HECW1: variants seen among roughly 807,000 people sequenced by gnomAD.
HECW1 encodes the protein HECT, C2 and WW domain containing E3 ubiquitin protein ligase 1.
In HECW1, 61 loss-of-function variants were observed where a neutral mutation model predicts 182.3. The observed-to-expected ratio is 0.33, with a 90% CI of 0.27 to 0.41. HECW1 has a LOEUF of 0.41. Among genes scored for constraint, HECW1 ranks in the 10% least tolerant of loss-of-function variants. The probability of loss-of-function intolerance (pLI) is 1.00; values close to 1 mark genes in which losing one functional copy is unlikely to be tolerated. For synonymous variants in HECW1, 859 were observed against 832.6 expected (o/e 1.03, Z -0.55); for missense variants, 1,739 against 2,108.9 (o/e 0.82, Z 3.44).
chr7:43,418,946 T>C (rs1178799360), intron 8 of HECW1, among the ~76,000 whole-genome samples: 1 of 152,192 alleles, frequency 6.6e-6, no homozygotes, highest in African/African-American at 2.4e-5. Flanking sequence ...GACAATTGAT[T>C]TGGCGCAGCT....
intron 28 of HECW1, 48 bp downstream of exon 28, chr7:43,552,384 A>G: frequency 8.7e-7 from 1 of 1,148,694 alleles, no homozygotes; most frequent in Non-Finnish European, 1.3e-6. Flanking sequence ...AATAGAACTC[A>G]GCACTTTCCA....
rs149200592 is a variant in HECW1, at chr7:43,302,703, T to C, written c.28-9060T>C. Among the ~76,000 whole-genome samples, 1,213 of 152,302 alleles carry C rather than the reference T, an allele frequency of 8.0e-3. 19 individuals are homozygous for C. The highest frequency in any genetic ancestry group is 0.027 in the African/African-American group (1,121 of 41,560). ...GCAGGGCTCCTGGAGCTGGGCGCCT[T>C]GGGCCCCTGGAGCCGCACTGTGGTT... On this transcript the variant is annotated intron_variant, in intron 3 of 29. Coordinates refer to ENST00000395891, the MANE Select transcript of HECW1 (RefSeq NM_015052.5).
intron 2 of HECW1, among the ~76,000 whole-genome samples, chr7:43,199,604 A>AT (rs1794847574): frequency 6.6e-6 from 1 of 152,150 alleles, no homozygotes; most frequent in South Asian, 2.1e-4. Context: ...TGGGAATTAG[A>AT]TTTTTTTAAT....
chr7:43,441,930 G>A (rs933020849), intron 9 of HECW1, among the ~76,000 whole-genome samples: 17 of 152,200 alleles, frequency 1.1e-4, no homozygotes, highest in African/African-American at 3.6e-4. Flanking sequence ...CAGACAGTCC[G>A]TTCAACTTAA....
intron 2 of HECW1, among the ~76,000 whole-genome samples, chr7:43,159,105 GTTTATTTATTTA>G (rs141662347): frequency 3.3e-5 from 5 of 150,664 alleles, no homozygotes; most frequent in Admixed American, 1.3e-4. Flanking sequence ...GAATCTGACA[GTTTATTTATTTA>G]TTTATTTATT....
intron 2 of HECW1, among the ~76,000 whole-genome samples, chr7:43,234,502 C>A (rs1380414871): frequency 6.8e-6 from 1 of 147,040 alleles, no homozygotes; most frequent in Non-Finnish European, 1.5e-5. Flanking sequence ...TGCTCTCCCA[C>A]CTCAGGCCTT....
intron 2 of HECW1, among the ~76,000 whole-genome samples, chr7:43,195,953 G>A (rs772437196): frequency 1.8e-4 from 27 of 152,122 alleles, no homozygotes; most frequent in African/African-American, 5.6e-4. Flanking sequence ...GTTAATGAGC[G>A]TATAATGAGG....
chr7:43,114,136 T>C lies in HECW1; in HGVS notation c.-266-21T>C, dbSNP rs1372879720. On this transcript the variant is annotated intron_variant, in intron 1 of 29. Transcript: ENST00000395891. The stretch of plus-strand genomic sequence containing the variant: ...CAGTGGTGCAATTCTCCCCTTGTTT[T>C]CCCCCCTTCTCTTTGAAAAGATATC... 5.0e-6 allele frequency: 4 copies of C among 799,678 alleles called. No individual in the cohort carries two copies. The East Asian group carries it at 1.6e-4, about 31-fold the overall frequency. The allele number at this position is 799,678 out of a possible 1,614,324, so 49.5% of individuals were successfully genotyped here. A position where few individuals can be genotyped will look rare whatever the true frequency, so the allele number is the denominator to read the frequency against.
intron 3 of HECW1, among the ~76,000 whole-genome samples, chr7:43,263,064 TTTC>T (rs1457425436): frequency 6.6e-6 from 1 of 152,236 alleles, no homozygotes; most frequent in African/African-American, 2.4e-5. Flanking sequence ...TTTTGCATAA[TTTC>T]TTCTTATCTG....
chr7:43,507,943 A>G, intron 22 of HECW1, 75 bp from the exon 23 acceptor site: 8 of 983,118 alleles, frequency 8.1e-6, no homozygotes, highest in South Asian at 7.1e-5. Flanking sequence ...CTAAACCTGG[A>G]CTCACAACTC....
chr7:43,528,705 C>A (rs2080860763), intron 24 of HECW1, among the ~76,000 whole-genome samples: 1 of 152,174 alleles, frequency 6.6e-6, no homozygotes, highest in Non-Finnish European at 1.5e-5. Flanking sequence ...CACTCCTCTG[C>A]CCCCCTGCAG....
At chr7:43,139,395 C>G (rs1787915147) in intron 2 of HECW1, among the ~76,000 whole-genome samples, 1 of 152,196 alleles carries the variant, frequency 6.6e-6, no homozygotes, top group African/African-American at 2.4e-5. Context: ...GTTCAAAAGA[C>G]CCCCTGCATA....
At position 43,469,102 on chromosome 7, in the gene HECW1, A is replaced by C; in HGVS notation, c.3096A>C (p.Gly1032=). ...GGGAGATCAAAACGGACCAGCAGGG[A>C]AAGGTGAGTGTGACCCACGTGCGGG... is the stretch of plus-strand genomic sequence containing the variant. ...RGWEIKTDQQ[G]KSFFVDHNSR... Residue 1032 remains glycine, a synonymous_variant, in exon 16 of 30, where the codon GGA becomes GGC. Transcript: ENST00000395891. The C allele has an allele frequency of 6.2e-7, 1 of 1,613,638 alleles. No individual in the cohort carries two copies. The highest frequency in any genetic ancestry group is 1.1e-5 in the South Asian group (1 of 91,046).
chr7:43,224,515 C>T (rs1201518950), intron 2 of HECW1, among the ~76,000 whole-genome samples: 2 of 152,166 alleles, frequency 1.3e-5, no homozygotes, highest in East Asian at 3.9e-4. Flanking sequence ...AAAGACTGTG[C>T]CATGTGAAAA....
chr7:43,196,011 G>T (rs570186272), intron 2 of HECW1, among the ~76,000 whole-genome samples: 2 of 152,116 alleles, frequency 1.3e-5, no homozygotes, highest in Admixed American at 6.5e-5. Context: ...GGGTCCAGTC[G>T]GTCTTAGCCA....
At chr7:43,251,633 T>G (rs1395201186) in intron 3 of HECW1, among the ~76,000 whole-genome samples, 1 of 152,208 alleles carries the variant, frequency 6.6e-6, no homozygotes, top group Non-Finnish European at 1.5e-5. Flanking sequence ...CTAGTTTCTT[T>G]CTACTTATTA....
intron 5 of HECW1, among the ~76,000 whole-genome samples, chr7:43,350,893 A>G (rs972818094): frequency 1.3e-5 from 2 of 152,132 alleles, no homozygotes; most frequent in Admixed American, 6.5e-5. Flanking sequence ...CTTGGTTTGG[A>G]TCCATTGCTG....
At chr7:43,166,939 C>T (rs1458728554) in intron 2 of HECW1, among the ~76,000 whole-genome samples, 2 of 152,216 alleles carry the variant, frequency 1.3e-5, no homozygotes, top group Non-Finnish European at 2.9e-5. Context: ...TGCCAGGCCC[C>T]AGGGGACTTC....
At chr7:43,348,575 T>C (rs1813985574) in intron 5 of HECW1, among the ~76,000 whole-genome samples, 1 of 152,156 alleles carries the variant, frequency 6.6e-6, no homozygotes, top group Admixed American at 6.5e-5. Flanking sequence ...TGGTTTGTTC[T>C]TGTTTCTCTA....
Sources: allele counts gnomAD v4.1 joint callset (sites outside exome capture counted in the v4.1 genomes callset), GRCh38; gene constraint gnomAD v4.1.1; transcripts MANE v1.5; gene names NCBI Gene and HGNC (gene_info 2026-07-23, HGNC 2026-07-21).